The following TCF7L1 variants were observed in gnomAD, a reference collection of about 807,000 sequenced individuals.
TCF7L1 encodes transcription factor 7 like 1, also known as transcription factor 7-like 1.
In TCF7L1, 18 loss-of-function variants were observed where a neutral mutation model predicts 63.7. The ratio of observed to expected loss-of-function variants is 0.28; its 90% CI spans 0.20 to 0.42. TCF7L1 has a LOEUF of 0.42. Among genes scored for constraint, TCF7L1 ranks in the 10% least tolerant of loss-of-function variants. The pLI is 1.00. For missense variants in TCF7L1, 654 were observed against 779.3 expected (o/e 0.84, Z 1.91); for synonymous variants, 355 against 340.9 (o/e 1.04, Z -0.46).
At chr2:85,143,834 A>G (rs1031872653) in intron 3 of TCF7L1, among the ~76,000 whole-genome samples, 6 of 152,146 alleles carry the variant, frequency 3.9e-5, no homozygotes, top group African/African-American at 1.4e-4. Flanking sequence ...TGGACCTGAG[A>G]ATGTACTTTC....
chr2:85,210,666 T>G (rs543522576), intron 3 of TCF7L1, among the ~76,000 whole-genome samples: 2 of 152,248 alleles, frequency 1.3e-5, no homozygotes, highest in South Asian at 4.1e-4. Flanking sequence ...TCCTTGTCTG[T>G]TAGGGCCTCT....
chr2:85,179,495 T>C (rs73943069), intron 3 of TCF7L1, among the ~76,000 whole-genome samples: 4,808 of 152,262 alleles, frequency 0.032, 275 homozygotes, highest in African/African-American at 0.11. Flanking sequence ...AGGTCATCTC[T>C]CAGACTTGGG....
intron 3 of TCF7L1, among the ~76,000 whole-genome samples, chr2:85,281,316 G>A (rs555803213): frequency 6.6e-5 from 10 of 152,226 alleles, no homozygotes; most frequent in African/African-American, 1.7e-4. Context: ...TAGCCACTGC[G>A]CCCGGCCTAG....
intron 3 of TCF7L1, among the ~76,000 whole-genome samples, chr2:85,192,474 G>A (rs546579315): frequency 4.6e-5 from 7 of 151,938 alleles, no homozygotes; most frequent in African/African-American, 1.7e-4. Flanking sequence ...TGCAACCTCC[G>A]CCTCCCGGAT....
intron 3 of TCF7L1, among the ~76,000 whole-genome samples, chr2:85,212,089 CAAAAAA>C (rs61280306): frequency 6.2e-4 from 43 of 69,818 alleles, no homozygotes; most frequent in African/African-American, 9.8e-4. Context: ...GACTCCATCT[CAAAAAA>C]AAAAAAAAAA....
chr2:85,162,678 T>G (rs1678318575), intron 3 of TCF7L1, among the ~76,000 whole-genome samples: 1 of 152,194 alleles, frequency 6.6e-6, no homozygotes, highest in East Asian at 1.9e-4. Flanking sequence ...TGTTTGAGCC[T>G]CTGCCGCAGG....
intron 3 of TCF7L1, chr2:85,233,115 G>A (rs908938843): frequency 4.0e-5 from 6 of 151,300 alleles, no homozygotes; most frequent in African/African-American, 1.2e-4. Flanking sequence ...GGGTTGTTTT[G>A]TAGAGAAGAG....
chr2:85,198,324 A>G (rs1029439508), intron 3 of TCF7L1, among the ~76,000 whole-genome samples: 2 of 152,228 alleles, frequency 1.3e-5, no homozygotes, highest in African/African-American at 4.8e-5. Flanking sequence ...CAATTACTCA[A>G]CACAATTAGA....
chr2:85,139,019 T>C (rs1292115379), intron 3 of TCF7L1, among the ~76,000 whole-genome samples: 1 of 152,164 alleles, frequency 6.6e-6, no homozygotes, highest in Non-Finnish European at 1.5e-5. Context: ...TTCTTTTCTT[T>C]CTTTTTTTAG....
intron 3 of TCF7L1, among the ~76,000 whole-genome samples, chr2:85,230,236 A>G (rs1039015910): frequency 2.0e-5 from 3 of 152,186 alleles, no homozygotes; most frequent in Admixed American, 6.5e-5. Context: ...CTCATAAACA[A>G]TAGTGCAGTG....
intron 3 of TCF7L1, among the ~76,000 whole-genome samples, chr2:85,266,464 A>G (rs1478739931): frequency 6.6e-6 from 1 of 152,278 alleles, no homozygotes; most frequent in Non-Finnish European, 1.5e-5. Flanking sequence ...CAAATTCTGC[A>G]AACAAATGGG....
At chr2:85,166,527 A>G (rs1041346521) in intron 3 of TCF7L1, among the ~76,000 whole-genome samples, 42 of 152,298 alleles carry the variant, frequency 2.8e-4, no homozygotes, top group African/African-American at 9.9e-4. Context: ...GTTGTAGGGT[A>G]AGGTCTTAGC....
intron 3 of TCF7L1, among the ~76,000 whole-genome samples, chr2:85,275,021 T>G (rs1446283654): frequency 6.6e-6 from 1 of 152,112 alleles, no homozygotes; most frequent in Non-Finnish European, 1.5e-5. Context: ...TTCTGAAAGG[T>G]GATGTACACA....
chr2:85,182,528 G>A (rs1381984314), intron 3 of TCF7L1, among the ~76,000 whole-genome samples: 1 of 152,166 alleles, frequency 6.6e-6, no homozygotes, highest in Non-Finnish European at 1.5e-5. Flanking sequence ...GGCTGTTCCA[G>A]GCAGGATAAG....
At chr2:85,187,044 T>C (rs907239311) in intron 3 of TCF7L1, 1 of 152,256 alleles carries the variant, frequency 6.6e-6, no homozygotes, top group Admixed American at 6.5e-5. Flanking sequence ...CTGACTAAGA[T>C]GCAGCACCAG....
At chr2:85,178,764 G>A (rs370844620) in intron 3 of TCF7L1, among the ~76,000 whole-genome samples, 6 of 152,304 alleles carry the variant, frequency 3.9e-5, no homozygotes, top group African/African-American at 1.4e-4. Flanking sequence ...CACCCATCCT[G>A]TCTGAGCTTT....
chr2:85,156,783 G>A (rs1408937711), intron 3 of TCF7L1, among the ~76,000 whole-genome samples: 1 of 152,226 alleles, frequency 6.6e-6, no homozygotes, highest in African/African-American at 2.4e-5. Flanking sequence ...GTGTATACGC[G>A]CATGCATGCA....
At chr2:85,233,991 G>A (rs1301756105) in intron 3 of TCF7L1, 1 of 152,136 alleles carries the variant, frequency 6.6e-6, no homozygotes, top group African/African-American at 2.4e-5. Context: ...ATTGTTTCTA[G>A]TGTGGGAAGA....
At chr2:85,266,088 C>T (rs959682312) in intron 3 of TCF7L1, among the ~76,000 whole-genome samples, 6 of 152,190 alleles carry the variant, frequency 3.9e-5, no homozygotes, top group African/African-American at 7.2e-5. Flanking sequence ...TGCTTTTTCA[C>T]TTAACAGTGT....
Sources: gnomAD v4.1 joint callset for allele counts (sites outside exome capture counted in the v4.1 genomes callset) on GRCh38, gnomAD v4.1.1 for gene constraint, MANE v1.5 for transcripts, NCBI Gene and HGNC (gene_info 2026-07-23, HGNC 2026-07-21) for gene names.